NXPH2: variants seen among roughly 807,000 people sequenced by gnomAD.
NXPH2 encodes neurexophilin 2, also known as neurexophilin-2.
In NXPH2, 5 loss-of-function variants were observed where a neutral mutation model predicts 19.8. That is an observed-to-expected ratio of 0.25 (90% CI 0.13 to 0.53). The LOEUF (loss-of-function observed/expected upper bound fraction) is 0.53. Ranked by LOEUF, NXPH2 falls within the 20% of genes least tolerant of loss-of-function variation. The pLI is 0.96. For missense variants in NXPH2, 289 were observed against 322.8 expected (o/e 0.90, Z 0.80); for synonymous variants, 154 against 127.4 (o/e 1.21, Z -1.41).
intron 1 of NXPH2, among the ~76,000 whole-genome samples, chr2:138,728,827 T>A (rs1479985090): frequency 6.6e-6 from 1 of 152,204 alleles, no homozygotes; most frequent in African/African-American, 2.4e-5. Flanking sequence ...GATGTGCCCT[T>A]ACAAAGTATT....
At chr2:138,714,295 G>GC (rs1463406001) in intron 1 of NXPH2, among the ~76,000 whole-genome samples, 1 of 151,922 alleles carries the variant, frequency 6.6e-6, no homozygotes, top group East Asian at 1.9e-4. Flanking sequence ...TGTATTTTTG[G>GC]CTCCCTATTT....
intron 1 of NXPH2, among the ~76,000 whole-genome samples, chr2:138,716,931 C>T (rs778826305): frequency 3.3e-5 from 5 of 152,148 alleles, no homozygotes; most frequent in African/African-American, 4.8e-5. Context: ...AACTTTTGAG[C>T]CTGCAATTCC....
At chr2:138,723,783 C>T (rs1681315407) in intron 1 of NXPH2, among the ~76,000 whole-genome samples, 1 of 152,198 alleles carries the variant, frequency 6.6e-6, no homozygotes, top group Admixed American at 6.5e-5. Context: ...TACTTCATGA[C>T]AGCAGGGTGC....
intron 1 of NXPH2, among the ~76,000 whole-genome samples, chr2:138,697,300 A>C (rs1680842413): frequency 1.3e-5 from 2 of 152,264 alleles, no homozygotes; most frequent in African/African-American, 4.8e-5. Flanking sequence ...GATTTAAATA[A>C]TAAACCAAGA....
At chr2:138,727,560 G>T (rs1223922973) in intron 1 of NXPH2, among the ~76,000 whole-genome samples, 1 of 150,618 alleles carries the variant, frequency 6.6e-6, no homozygotes, top group Non-Finnish European at 1.5e-5. Context: ...TGAGGTGTCT[G>T]TTAAGGTCTT....
intron 1 of NXPH2, among the ~76,000 whole-genome samples, chr2:138,769,520 G>A (rs1315756890): frequency 6.6e-6 from 1 of 152,182 alleles, no homozygotes; most frequent in Non-Finnish European, 1.5e-5. Context: ...ATCCCCAGAA[G>A]ACACAAAGAA....
chr2:138,737,777 A>G (rs539381829), intron 1 of NXPH2, among the ~76,000 whole-genome samples: 1 of 152,166 alleles, frequency 6.6e-6, no homozygotes, highest in South Asian at 2.1e-4. Context: ...GCAACTAAAA[A>G]AGTGGAGAGC....
chr2:138,721,907 T>C (rs367808851), intron 1 of NXPH2, among the ~76,000 whole-genome samples: 23 of 152,348 alleles, frequency 1.5e-4, no homozygotes, highest in East Asian at 9.7e-4. Flanking sequence ...TCTGTCTTTA[T>C]TGAATTTGCA....
chr2:138,704,913 C>T (rs909743180), intron 1 of NXPH2, among the ~76,000 whole-genome samples: 8 of 151,846 alleles, frequency 5.3e-5, no homozygotes, highest in Non-Finnish European at 1.0e-4. Flanking sequence ...CAACCTCTGC[C>T]TCCTGGGTTC....
chr2:138,685,270 A>G (rs1236156039), intron 1 of NXPH2, among the ~76,000 whole-genome samples: 1 of 152,198 alleles, frequency 6.6e-6, no homozygotes, highest in African/African-American at 2.4e-5. Context: ...GTCAATCCCT[A>G]TAATCATGTG....
At chr2:138,707,662 A>G (rs1050050721) in intron 1 of NXPH2, among the ~76,000 whole-genome samples, 1 of 152,210 alleles carries the variant, frequency 6.6e-6, no homozygotes, top group Admixed American at 6.5e-5. Context: ...CTTTTGCCAT[A>G]TTGATGACTC....
intron 1 of NXPH2, among the ~76,000 whole-genome samples, chr2:138,692,214 T>C (rs1411064137): frequency 6.6e-6 from 1 of 152,202 alleles, no homozygotes; most frequent in Non-Finnish European, 1.5e-5. Flanking sequence ...TCATGGTTCC[T>C]GTTGAAGCAG....
Position 138,670,447 on chromosome 2 carries a change from A to G in NXPH2, c.*475T>C, listed in dbSNP as rs1264341052. ...AGCACAGATGGATGGGGGAAAAGATAGAAATATAAAAAAAAGGGTCCAATG... is the reference window on the plus strand; with the variant it reads ...AGCACAGATGGATGGGGGAAAAGATGGAAATATAAAAAAAAGGGTCCAATG... On this transcript the variant is annotated 3_prime_UTR_variant, in exon 2 of 2. Transcript: ENST00000272641. Among the ~76,000 whole-genome samples, 1 of 152,224 alleles carries G rather than the reference A, an allele frequency of 6.6e-6. No individual in the cohort carries two copies. Among genetic ancestry groups the G allele is most frequent in the Non-Finnish European group, 1.5e-5 (1 of 68,042 alleles).
chr2:138,700,199 C>T (rs1320685044), intron 1 of NXPH2, among the ~76,000 whole-genome samples: 2 of 152,166 alleles, frequency 1.3e-5, no homozygotes, highest in Admixed American at 1.3e-4. Flanking sequence ...TACAGCGATG[C>T]ATCTAATAGC....
chr2:138,718,434 T>A (rs1681224237), intron 1 of NXPH2, among the ~76,000 whole-genome samples: 1 of 152,166 alleles, frequency 6.6e-6, no homozygotes, highest in Admixed American at 6.5e-5. Context: ...GGATAATGAC[T>A]ATGAATTTAG....
Position 138,745,496 on chromosome 2 carries a change from G to T in NXPH2, c.51+34695C>A, listed in dbSNP as rs904624968. 5.1e-4 allele frequency among the ~76,000 whole-genome samples: 19 copies of T among 37,524 alleles called. 1 individual carries two copies. The highest frequency in any genetic ancestry group is 1.0e-3 in the African/African-American group (18 of 17,304). The allele number at this position is 37,524 out of a possible 152,430, so 24.6% of individuals were successfully genotyped here. A position where few individuals can be genotyped will look rare whatever the true frequency, so the allele number is the denominator to read the frequency against. ...CATCCTTTTCTTCTTTTTTTGGCGG[G>T]GGGGGGGGGGTGTTGTTTGCATGTT... On this transcript the variant is annotated intron_variant, in intron 1 of 1. Coordinates refer to ENST00000272641, the MANE Select transcript of NXPH2 (RefSeq NM_007226.3).
At chr2:138,729,396 G>T (rs1328175577) in intron 1 of NXPH2, among the ~76,000 whole-genome samples, 1 of 152,014 alleles carries the variant, frequency 6.6e-6, no homozygotes, top group Non-Finnish European at 1.5e-5. Flanking sequence ...TTCCCCTTTG[G>T]CCTTGACTGT....
intron 1 of NXPH2, among the ~76,000 whole-genome samples, chr2:138,709,881 T>G (rs938012727): frequency 6.6e-6 from 1 of 152,258 alleles, no homozygotes; most frequent in Non-Finnish European, 1.5e-5. Context: ...TTCCATTGCC[T>G]GGATTTACCA....
chr2:138,708,128 G>A (rs1361768836), intron 1 of NXPH2, among the ~76,000 whole-genome samples: 1 of 152,150 alleles, frequency 6.6e-6, no homozygotes, highest in Non-Finnish European at 1.5e-5. Context: ...CTACTACACA[G>A]GGCATTTAAT....
Sources: allele counts gnomAD v4.1 joint callset (sites outside exome capture counted in the v4.1 genomes callset), GRCh38; gene constraint gnomAD v4.1.1; transcripts MANE v1.5; gene names NCBI Gene and HGNC (gene_info 2026-07-23, HGNC 2026-07-21).